The following AGBL1 variants were observed in gnomAD, a reference collection of about 807,000 sequenced individuals.
AGBL1 encodes AGBL carboxypeptidase 1.
In AGBL1, 130 loss-of-function variants were observed where a neutral mutation model predicts 118.9. The ratio of observed to expected loss-of-function variants is 1.09; its 90% CI spans 0.95 to 1.26. AGBL1 has a LOEUF of 1.26. AGBL1 is among the 50% of genes most tolerant of loss of function. AGBL1 has a pLI of 0.00. For missense variants in AGBL1, 1,584 were observed against 1,298.1 expected, an observed-to-expected ratio of 1.22 and a Z score of -3.38; for synonymous variants, 555 against 478.9, an observed-to-expected ratio of 1.16 and a Z score of -2.08.
chr15:86,537,523 TC>T (rs1216594620), intron 19 of AGBL1, among the ~76,000 whole-genome samples: 2 of 152,200 alleles, frequency 1.3e-5, no homozygotes. Flanking sequence ...AAGTGCCTTC[TC>T]AGGGCATTAG....
chr15:86,323,161 AT>A (rs35325465), intron 17 of AGBL1, among the ~76,000 whole-genome samples: 56 of 147,576 alleles, frequency 3.8e-4, no homozygotes, highest in South Asian at 6.5e-4. Context: ...CAGCATAGTG[AT>A]TTTTTTTTTT....
chr15:86,158,110 A>G (rs1221766182), intron 4 of AGBL1, among the ~76,000 whole-genome samples: 1 of 152,192 alleles, frequency 6.6e-6, no homozygotes, highest in Non-Finnish European at 1.5e-5. Flanking sequence ...AAATCTCTGA[A>G]TTTTGATCCA....
At chr15:86,936,796 G>T (rs1202030677) in intron 23 of AGBL1, among the ~76,000 whole-genome samples, 1 of 152,204 alleles carries the variant, frequency 6.6e-6, no homozygotes, top group Non-Finnish European at 1.5e-5. Flanking sequence ...AGCAAAAATT[G>T]ACAAGTGGGA....
chr15:86,174,486 G>A (rs535702711), intron 5 of AGBL1, among the ~76,000 whole-genome samples: 1 of 152,124 alleles, frequency 6.6e-6, no homozygotes, highest in South Asian at 2.1e-4. Flanking sequence ...TCAGTACTAT[G>A]TTGAGTATGA....
intron 24 of AGBL1, among the ~76,000 whole-genome samples, chr15:87,025,844 A>C (rs974957316): frequency 6.6e-6 from 1 of 152,064 alleles, no homozygotes; most frequent in Admixed American, 6.6e-5. Flanking sequence ...AGAACCCAGA[A>C]ATGAACCCAA....
chr15:86,622,454 C>A (rs1383279372), intron 21 of AGBL1, among the ~76,000 whole-genome samples: 1 of 152,042 alleles, frequency 6.6e-6, no homozygotes, highest in Non-Finnish European at 1.5e-5. Flanking sequence ...GACCAGTGAC[C>A]AGTCATCATG....
chr15:86,213,154 A>G (rs1177258234), intron 5 of AGBL1, among the ~76,000 whole-genome samples: 1 of 152,208 alleles, frequency 6.6e-6, no homozygotes, highest in African/African-American at 2.4e-5. Flanking sequence ...GAGTTCCTCA[A>G]AACTAAAAGA....
At chr15:86,904,074 G>A (rs2080248251) in intron 22 of AGBL1, among the ~76,000 whole-genome samples, 1 of 152,184 alleles carries the variant, frequency 6.6e-6, no homozygotes, top group South Asian at 2.1e-4. Flanking sequence ...TGTGGTGTTT[G>A]CCTGGAGTAG....
chr15:86,697,566 TTGATAATCAACCTTC>T (rs2086284056), intron 22 of AGBL1, among the ~76,000 whole-genome samples: 1 of 152,034 alleles, frequency 6.6e-6, no homozygotes, highest in African/African-American at 2.4e-5. Flanking sequence ...TTTGATTAGC[TTGATAATCAACCTTC>T]TGACAATTCA....
chr15:86,839,005 A>G (rs949972618), intron 22 of AGBL1, among the ~76,000 whole-genome samples: 2 of 147,478 alleles, frequency 1.4e-5, no homozygotes, highest in Non-Finnish European at 3.0e-5. Flanking sequence ...GAATGATTTA[A>G]TCTCCTTGGT....
chr15:86,179,904 A>G (rs1479060963), intron 5 of AGBL1, among the ~76,000 whole-genome samples: 3 of 152,188 alleles, frequency 2.0e-5, no homozygotes, highest in Non-Finnish European at 2.9e-5. Context: ...AGTGCAACAA[A>G]TTATTGGAAA....
intron 18 of AGBL1, among the ~76,000 whole-genome samples, chr15:86,419,497 C>G (rs1051257445): frequency 6.6e-6 from 1 of 152,084 alleles, no homozygotes. Context: ...GCCTACACCA[C>G]CAAGGCCCTG....
chr15:86,169,844 G>A (rs916111930), intron 5 of AGBL1, among the ~76,000 whole-genome samples: 1 of 152,170 alleles, frequency 6.6e-6, no homozygotes, highest in African/African-American at 2.4e-5. Context: ...CAGGGCTCTG[G>A]TCCTGCCAAA....
At chr15:86,808,224 G>A (rs1023738834) in intron 22 of AGBL1, among the ~76,000 whole-genome samples, 21 of 152,046 alleles carry the variant, frequency 1.4e-4, no homozygotes, top group East Asian at 9.6e-4. Flanking sequence ...TTCTCCATGC[G>A]TCTCAGTTGA....
At chr15:86,712,448 G>A (rs1183877827) in intron 22 of AGBL1, among the ~76,000 whole-genome samples, 3 of 151,922 alleles carry the variant, frequency 2.0e-5, no homozygotes, top group African/African-American at 7.3e-5. Flanking sequence ...TAAACACTGA[G>A]AGATTAGGCA....
At chr15:86,642,474 T>A (rs1295279266) in intron 21 of AGBL1, among the ~76,000 whole-genome samples, 7 of 152,144 alleles carry the variant, frequency 4.6e-5, no homozygotes, top group African/African-American at 1.7e-4. Context: ...TATAGCAAGA[T>A]ATTGGCTGTT....
chr15:86,269,197 G>A (rs2079118849), intron 13 of AGBL1, among the ~76,000 whole-genome samples: 1 of 152,146 alleles, frequency 6.6e-6, no homozygotes, highest in Non-Finnish European at 1.5e-5. Flanking sequence ...TTTATAGCAT[G>A]GGAGTTATAT....
intron 21 of AGBL1, among the ~76,000 whole-genome samples, chr15:86,655,119 T>A (rs1013106630): frequency 1.3e-5 from 2 of 152,140 alleles, no homozygotes; most frequent in Non-Finnish European, 2.9e-5. Flanking sequence ...TCCAGATGCA[T>A]CTGGTGGGAC....
intron 17 of AGBL1, among the ~76,000 whole-genome samples, chr15:86,369,117 C>T (rs780280839): frequency 2.6e-5 from 4 of 152,034 alleles, no homozygotes; most frequent in Non-Finnish European, 4.4e-5. Context: ...AATGGATGCA[C>T]TTCAGCAAGA....
Sources: allele counts gnomAD v4.1 joint callset (sites outside exome capture counted in the v4.1 genomes callset), GRCh38; gene constraint gnomAD v4.1.1; transcripts MANE v1.5; gene names NCBI Gene and HGNC (gene_info 2026-07-23, HGNC 2026-07-21).